The following KLF8 variants were observed in gnomAD, a reference collection of about 807,000 sequenced individuals.
KLF8 encodes the protein Krueppel-like factor 8.
Under a neutral mutation model 18.2 loss-of-function variants are expected in KLF8, and 10 were observed. The observed-to-expected ratio is 0.55, with a 90% CI of 0.34 to 0.93. KLF8 has a LOEUF of 0.93. Ranked by LOEUF, KLF8 falls within the 40% of genes least tolerant of loss-of-function variation. The pLI, the probability that KLF8 is intolerant of heterozygous loss-of-function variation, is 0.02. For synonymous variants in KLF8, 109 were observed against 97.3 expected, an observed-to-expected ratio of 1.12 and a Z score of -0.71; for missense variants, 264 against 277.9, an observed-to-expected ratio of 0.95 and a Z score of 0.36.
chrX:55,938,937 C>G, the KLF8 span, among the ~76,000 whole-genome samples: 12 of 111,895 alleles, frequency 1.1e-4, no homozygotes, highest in Non-Finnish European at 1.7e-4. Flanking sequence ...GTCACTTTAA[C>G]ACCCCACTGT....
At chrX:56,184,408 G>A in the KLF8 span, among the ~76,000 whole-genome samples, 1 of 112,578 alleles carries the variant, frequency 8.9e-6, no homozygotes, top group Non-Finnish European at 1.9e-5. Flanking sequence ...GCTCAAGGAG[G>A]CCTGCCTGCC....
the KLF8 span, among the ~76,000 whole-genome samples, chrX:56,005,350 G>A: frequency 8.9e-6 from 1 of 112,127 alleles, no homozygotes; most frequent in Non-Finnish European, 1.9e-5. Flanking sequence ...TATGTGCCAG[G>A]AGCAGTGGCT....
At chrX:56,102,957 G>T in the KLF8 span, among the ~76,000 whole-genome samples, 1 of 96,038 alleles carries the variant, frequency 1.0e-5, no homozygotes, top group African/African-American at 3.9e-5. Context: ...TCTTATGGAG[G>T]TTTCATTATG....
At chrX:56,106,249 T>C in the KLF8 span, among the ~76,000 whole-genome samples, 23 of 111,614 alleles carry the variant, frequency 2.1e-4, no homozygotes, top group African/African-American at 7.2e-4. Flanking sequence ...TTTCCTGAAT[T>C]TGAATATTGG....
the KLF8 span, among the ~76,000 whole-genome samples, chrX:56,184,758 C>A: frequency 5.4e-5 from 6 of 112,117 alleles, no homozygotes; most frequent in African/African-American, 1.9e-4. Flanking sequence ...GATACACAGG[C>A]AAACAGGGTC....
chrX:56,039,348 A>G, the KLF8 span, among the ~76,000 whole-genome samples: 1 of 111,728 alleles, frequency 9.0e-6, no homozygotes, highest in African/African-American at 3.3e-5. Context: ...TTTGGGTTTT[A>G]CATTTAAGTC....
chrX:56,177,766 A>T, the KLF8 span, among the ~76,000 whole-genome samples: 2 of 111,274 alleles, frequency 1.8e-5, no homozygotes, highest in African/African-American at 6.5e-5. Flanking sequence ...CTTTCTTCCC[A>T]GCCACTTTGT....
the KLF8 span, among the ~76,000 whole-genome samples, chrX:56,070,851 A>T: frequency 5.5e-3 from 620 of 112,864 alleles, 4 homozygotes; most frequent in Middle Eastern, 9.2e-3. Context: ...ACATTGGCTA[A>T]GTAAATATAA....
the KLF8 span, chrX:55,961,733 T>C: frequency 2.7e-6 from 1 of 368,802 alleles, no homozygotes; most frequent in Non-Finnish European, 5.2e-6. Flanking sequence ...ACAAATTTAT[T>C]GTTACTATGA....
chrX:56,188,673 T>C, the KLF8 span, among the ~76,000 whole-genome samples: 1 of 111,477 alleles, frequency 9.0e-6, no homozygotes, highest in South Asian at 3.8e-4. Context: ...AAAACAGACA[T>C]ATAGATCAAT....
the KLF8 span, among the ~76,000 whole-genome samples, chrX:56,186,847 T>C: frequency 2.7e-5 from 3 of 111,874 alleles, no homozygotes; most frequent in African/African-American, 6.5e-5. Flanking sequence ...AGACACAACA[T>C]ACCAGAATCT....
At chrX:56,072,257 C>A in the KLF8 span, among the ~76,000 whole-genome samples, 3 of 111,725 alleles carry the variant, frequency 2.7e-5, no homozygotes, top group Non-Finnish European at 5.6e-5. Flanking sequence ...TTTGGAAATA[C>A]AAATAATCAA....
At chrX:56,184,522 G>C in the KLF8 span, among the ~76,000 whole-genome samples, 1 of 112,213 alleles carries the variant, frequency 8.9e-6, no homozygotes, top group Non-Finnish European at 1.9e-5. Flanking sequence ...AGAGAGCAGT[G>C]GTTCTCCCAA....
At chrX:56,006,245 G>A in the KLF8 span, among the ~76,000 whole-genome samples, 3 of 112,197 alleles carry the variant, frequency 2.7e-5, no homozygotes, top group African/African-American at 9.7e-5. Context: ...AGTGTCTGTA[G>A]TGGTTGTGAG....
At chrX:56,005,200 G>A in the KLF8 span, among the ~76,000 whole-genome samples, 19 of 110,525 alleles carry the variant, frequency 1.7e-4, no homozygotes, top group Non-Finnish European at 3.2e-4. Context: ...TGGGATTACA[G>A]GGGGGTGGTG....
At chrX:56,005,939 G>A in the KLF8 span, among the ~76,000 whole-genome samples, 1 of 112,277 alleles carries the variant, frequency 8.9e-6, no homozygotes, top group South Asian at 3.7e-4. Context: ...CACCCTGATT[G>A]GGCATCCGAG....
chrX:55,932,779 T>C, the KLF8 span, among the ~76,000 whole-genome samples: 1 of 111,829 alleles, frequency 8.9e-6, no homozygotes, highest in East Asian at 2.8e-4. Flanking sequence ...AACCCGACCT[T>C]TCTCTCTGGC....
chrX:56,269,757 G>A (rs1486438525), intron 4 of KLF8, among the ~76,000 whole-genome samples: 1 of 112,515 alleles, frequency 8.9e-6, no homozygotes, highest in African/African-American at 3.2e-5. Flanking sequence ...CCCATAAAGT[G>A]TAGTTATGTA....
At chrX:55,955,883 C>A in the KLF8 span, among the ~76,000 whole-genome samples, 10 of 111,235 alleles carry the variant, frequency 9.0e-5, no homozygotes, top group South Asian at 3.8e-3. Flanking sequence ...TTATTTTATT[C>A]CAATGAGTTG....
Sources: allele counts gnomAD v4.1 joint callset (sites outside exome capture counted in the v4.1 genomes callset), GRCh38; gene constraint gnomAD v4.1.1; transcripts MANE v1.5; gene names NCBI Gene and HGNC (gene_info 2026-07-23, HGNC 2026-07-21).